Variants in CTXND1 observed in about 807,000 individuals in gnomAD.
CTXND1 encodes cortexin domain containing 1, also known as cortexin domain-containing 1 protein.
chr15:80,198,095 C>A lies in CTXND1; in HGVS notation c.*3675G>T, dbSNP rs2041429631. On this transcript the variant is annotated 3_prime_UTR_variant, in exon 3 of 3. Coordinates refer to ENST00000560778, the MANE Select transcript of CTXND1 (RefSeq NM_001352888.2). The stretch of plus-strand genomic sequence containing the variant: ...CTCTTGGTTCTGCATATTTCTGCTA[C>A]CCCACTTGTCTCTGGGACTGTTGGC... The A allele has an allele frequency of 6.6e-6, 1 of 152,236 alleles. No homozygotes were observed. The highest frequency in any genetic ancestry group is 2.4e-5 in the African/African-American group (1 of 41,462). 9.4% of individuals were successfully genotyped at this position (152,236 alleles called of 1,614,324 possible).
rs1223698508 is a variant in CTXND1 at position 80,196,772 on chromosome 15, C to T, written c.*4998G>A. ...GTGCTGCCTATGTGGACCGTATCAC[C>T]CAGGGTCCCCTGACCTTTAGCTTCT... On this transcript the variant is annotated 3_prime_UTR_variant, in exon 3 of 3. Transcript: ENST00000560778. The T allele has an allele frequency of 1.3e-5, 2 of 152,168 alleles. No homozygotes were observed. The highest frequency in any genetic ancestry group is 4.8e-5 in the African/African-American group (2 of 41,410). 9.4% of individuals were successfully genotyped at this position (152,168 alleles called of 1,614,324 possible).
At chr15:80,210,144 T>C (rs1893190353) in intron 1 of CTXND1, among the ~76,000 whole-genome samples, 1 of 152,166 alleles carries the variant, frequency 6.6e-6, no homozygotes, top group Non-Finnish European at 1.5e-5. Context: ...CAGGCAGACC[T>C]TTTCTTCCAC....
Position 80,221,046 on chromosome 15 carries a change from C to T in CTXND1, c.-217-17306G>A, listed in dbSNP as rs1378691623. Among the ~76,000 whole-genome samples the T allele has an allele frequency of 4.0e-5, 6 of 151,816 alleles. No homozygotes were observed. The Middle Eastern group carries it at 0.014, about 344-fold the overall frequency. ...GCCTCAGCCTCCCGAGTAGCTGGGA[C>T]TACAGGCACCCGCCACCACGCTCGA... is the stretch of plus-strand genomic sequence containing the variant. On this transcript the variant is annotated intron_variant, in intron 1 of 2. Transcript: ENST00000560778.
intron 1 of CTXND1, among the ~76,000 whole-genome samples, chr15:80,223,256 C>T (rs1159822673): frequency 6.6e-6 from 1 of 152,096 alleles, no homozygotes; most frequent in East Asian, 1.9e-4. Flanking sequence ...GAGGTTTCTC[C>T]ATGTTGGTTA....
intron 1 of CTXND1, among the ~76,000 whole-genome samples, chr15:80,229,311 T>C (rs1385654397): frequency 6.6e-6 from 1 of 152,206 alleles, no homozygotes; most frequent in Non-Finnish European, 1.5e-5. Context: ...TGGTTGCTGG[T>C]CATACCAAGG....
At chr15:80,202,641 A>G (rs7180424) in intron 2 of CTXND1, among the ~76,000 whole-genome samples, 39,001 of 152,062 alleles carry the variant, frequency 0.26, 5,394 homozygotes, top group Middle Eastern at 0.33. Context: ...ATAAGAACCT[A>G]GATTTCAAAT....
intron 1 of CTXND1, among the ~76,000 whole-genome samples, chr15:80,211,284 C>T (rs568494180): frequency 2.6e-5 from 4 of 152,174 alleles, no homozygotes; most frequent in Non-Finnish European, 5.9e-5. Context: ...TACGCTGCAG[C>T]GACATTATAA....
chr15:80,201,571 C>T lies in CTXND1; in HGVS notation c.*199G>A, dbSNP rs530065968. On this transcript the variant is annotated 3_prime_UTR_variant, in exon 3 of 3. Transcript: ENST00000560778. ...TTTTCCCCTGGCTGGTCCATGGTTGCGACACCCACGGCACCCGGGCATTCC... is the reference window on the plus strand; with the variant it reads ...TTTTCCCCTGGCTGGTCCATGGTTGTGACACCCACGGCACCCGGGCATTCC... 1.9e-4 allele frequency: 72 copies of T among 386,316 alleles called. No homozygotes were observed. The highest frequency in any genetic ancestry group is 1.4e-3 in the South Asian group (10 of 6,932). The allele number at this position is 386,316 out of a possible 1,614,324, so 23.9% of individuals were successfully genotyped here. A position where few individuals can be genotyped will look rare whatever the true frequency, so the allele number is the denominator to read the frequency against.
chr15:80,245,422 G>A (rs1370921391), intron 1 of CTXND1, among the ~76,000 whole-genome samples: 3 of 152,202 alleles, frequency 2.0e-5, no homozygotes, highest in African/African-American at 7.2e-5. Flanking sequence ...CAGCTGGGCA[G>A]CTCTTGCATG....
chr15:80,234,788 C>A (rs1288015203), intron 1 of CTXND1, among the ~76,000 whole-genome samples: 1 of 152,136 alleles, frequency 6.6e-6, no homozygotes, highest in Non-Finnish European at 1.5e-5. Flanking sequence ...TCAGCATACT[C>A]TTTTGATGGG....
intron 1 of CTXND1, among the ~76,000 whole-genome samples, chr15:80,245,439 T>C (rs377301136): frequency 6.6e-5 from 10 of 152,348 alleles, no homozygotes; most frequent in African/African-American, 2.2e-4. Context: ...CATGGAGCTC[T>C]ATCATGCAGT....
chr15:80,245,159 G>T (rs1282567199), intron 1 of CTXND1, among the ~76,000 whole-genome samples: 1 of 152,142 alleles, frequency 6.6e-6, no homozygotes, highest in Non-Finnish European at 1.5e-5. Context: ...CGGCTATCGT[G>T]ATCATGCAAT....
chr15:80,205,955 CAATTTGAAAGAA>C (rs1198514364), intron 1 of CTXND1, among the ~76,000 whole-genome samples: 3 of 151,582 alleles, frequency 2.0e-5, no homozygotes, highest in Admixed American at 6.6e-5. Flanking sequence ...TTATTTTTGC[CAATTTGAAAGAA>C]AATTTGAAAG....
At chr15:80,219,090 C>A (rs925192639) in intron 1 of CTXND1, among the ~76,000 whole-genome samples, 1 of 149,776 alleles carries the variant, frequency 6.7e-6, no homozygotes, top group Admixed American at 6.7e-5. Flanking sequence ...CACTACCACT[C>A]CCAGCTAATT....
intron 1 of CTXND1, among the ~76,000 whole-genome samples, chr15:80,238,849 G>A (rs1440345620): frequency 6.6e-6 from 1 of 152,196 alleles, no homozygotes; most frequent in African/African-American, 2.4e-5. Context: ...ATACCGCCCA[G>A]GCCTGTAGCC....
chr15:80,242,591 C>T (rs1399561978), intron 1 of CTXND1, among the ~76,000 whole-genome samples: 1 of 152,224 alleles, frequency 6.6e-6, no homozygotes, highest in African/African-American at 2.4e-5. Context: ...GGTCACAACA[C>T]GGGGCCCTCT....
chr15:80,245,250 G>C (rs1481622515), intron 1 of CTXND1, among the ~76,000 whole-genome samples: 2 of 152,190 alleles, frequency 1.3e-5, no homozygotes, highest in African/African-American at 4.8e-5. Context: ...AGACCTCTAG[G>C]TTCTGCCCCA....
intron 1 of CTXND1, among the ~76,000 whole-genome samples, chr15:80,246,919 C>A (rs943308600): frequency 6.6e-6 from 1 of 152,168 alleles, no homozygotes; most frequent in Non-Finnish European, 1.5e-5. Flanking sequence ...TCCTCGCAGT[C>A]GGATTCAGAT....
At chr15:80,223,472 G>C (rs993626668) in intron 1 of CTXND1, among the ~76,000 whole-genome samples, 4 of 152,172 alleles carry the variant, frequency 2.6e-5, no homozygotes, top group Non-Finnish European at 4.4e-5. Context: ...GTGGACATTT[G>C]GGTTGTTTCT....
Sources: allele counts gnomAD v4.1 joint callset (sites outside exome capture counted in the v4.1 genomes callset), GRCh38; gene constraint gnomAD v4.1.1; transcripts MANE v1.5; gene names NCBI Gene and HGNC (gene_info 2026-07-23, HGNC 2026-07-21).